The following GRIN3A variants were observed in gnomAD, a reference collection of about 807,000 sequenced individuals.
GRIN3A encodes glutamate ionotropic receptor NMDA type subunit 3A.
In GRIN3A, 47 loss-of-function variants were observed where a neutral mutation model predicts 92.4. The ratio of observed to expected loss-of-function variants is 0.51; its 90% CI spans 0.40 to 0.65. The LOEUF (loss-of-function observed/expected upper bound fraction) is 0.65. Among genes scored for constraint, GRIN3A ranks in the 30% least tolerant of loss-of-function variants. The probability of loss-of-function intolerance (pLI) is 0.00; values close to 1 mark genes in which losing one functional copy is unlikely to be tolerated. For synonymous variants in GRIN3A, 527 were observed against 540.6 expected (o/e 0.97, Z 0.35); for missense variants, 1,324 against 1,393.1 (o/e 0.95, Z 0.79).
intron 6 of GRIN3A, among the ~76,000 whole-genome samples, chr9:101,610,622 TATC>T (rs765070461): frequency 3.4e-5 from 5 of 147,378 alleles, no homozygotes; most frequent in Admixed American, 6.9e-5. Flanking sequence ...TCTATCTATC[TATC>T]ATCTATCTAT....
intron 6 of GRIN3A, chr9:101,594,939 G>A (rs765525919): frequency 1.3e-6 from 2 of 1,593,148 alleles, no homozygotes; most frequent in Non-Finnish European, 1.7e-6. Flanking sequence ...ATCTGGCAAC[G>A]GCCACGGCTC....
intron 1 of GRIN3A, among the ~76,000 whole-genome samples, chr9:101,708,752 A>G (rs1829840180): frequency 6.6e-6 from 1 of 152,206 alleles, no homozygotes; most frequent in South Asian, 2.1e-4. Flanking sequence ...TTTATGCTAG[A>G]TGAGTGAGCA....
chr9:101,666,344 G>A (rs766573229), intron 3 of GRIN3A, among the ~76,000 whole-genome samples: 1 of 151,846 alleles, frequency 6.6e-6, no homozygotes, highest in East Asian at 1.9e-4. Context: ...AAAATGCCAC[G>A]TATGCTATAG....
chr9:101,579,446 A>T, intron 6 of GRIN3A, 86 bp from the exon 7 acceptor site: 3 of 1,359,198 alleles, frequency 2.2e-6, no homozygotes, highest in Non-Finnish European at 2.1e-6. Context: ...TCAGATGGAT[A>T]TTCATTTTTT....
At chr9:101,573,590 C>T (rs973453430) in intron 8 of GRIN3A, 77 bp from the exon 9 acceptor site, 79 of 1,163,632 alleles carry the variant, frequency 6.8e-5, no homozygotes, top group Non-Finnish European at 9.8e-5. Flanking sequence ...TTAGCCATTT[C>T]CTGTGCAATA....
intron 6 of GRIN3A, among the ~76,000 whole-genome samples, chr9:101,607,690 G>C (rs189101954): frequency 4.5e-4 from 69 of 152,346 alleles, no homozygotes; most frequent in Admixed American, 3.7e-3. Context: ...GTTGAAGTAG[G>C]CTTCAAGGAT....
rs1006826312 is a variant in GRIN3A at position 101,572,802 on chromosome 9, A to G, written c.*372T>C. On this transcript the variant is annotated 3_prime_UTR_variant, in exon 9 of 9. Coordinates refer to ENST00000361820, the MANE Select transcript of GRIN3A (RefSeq NM_133445.3). ...ATGAAAACCAGCAACCCAGTAAGAC[A>G]TAAGTGTGAGTAACAATTTTATCTC... 53 of 277,350 alleles carry G rather than the reference A, an allele frequency of 1.9e-4. No individual in the cohort carries two copies. In the Admixed American group the frequency reaches 2.3e-3, roughly 12 times the overall value. 17.2% of individuals were successfully genotyped at this position (277,350 alleles called of 1,614,324 possible).
rs1588304932 is a variant in GRIN3A, at chr9:101,738,222, G to A, written c.-243C>T. The A allele has an allele frequency of 7.2e-6, 4 of 552,374 alleles. No homozygotes were observed. Among genetic ancestry groups the A allele is most frequent in the South Asian group, 2.1e-5 (1 of 47,610 alleles). The allele number at this position is 552,374 out of a possible 1,614,324, so 34.2% of individuals were successfully genotyped here. The stretch of plus-strand genomic sequence containing the variant: ...CCTCTGCCCGCCCGGTCACTGCGCT[G>A]AGCAGGCAGGCGGGCGGGCCGGCGC... On this transcript the variant is annotated 5_prime_UTR_variant, in exon 1 of 9. Transcript: ENST00000361820.
chr9:101,601,180 T>A (rs1828205583), intron 6 of GRIN3A: 1 of 152,190 alleles, frequency 6.6e-6, no homozygotes, highest in African/African-American at 2.4e-5. Context: ...GGTGTAGATA[T>A]TAGCAAGTTG....
chr9:101,655,680 T>A (rs181941888), intron 3 of GRIN3A, among the ~76,000 whole-genome samples: 2 of 152,068 alleles, frequency 1.3e-5, no homozygotes, highest in East Asian at 3.9e-4. Flanking sequence ...AGCCTCAGTC[T>A]CCTCCAACAG....
At chr9:101,721,690 A>ACT (rs1439259362) in intron 1 of GRIN3A, among the ~76,000 whole-genome samples, 3 of 151,976 alleles carry the variant, frequency 2.0e-5, no homozygotes, top group African/African-American at 2.4e-5. Flanking sequence ...AGCAAAGGTG[A>ACT]CTCTTGTTAT....
At chr9:101,737,196 T>C (rs1588304002) in intron 1 of GRIN3A, 85 bp downstream of exon 1, 1 of 1,122,288 alleles carries the variant, frequency 8.9e-7, no homozygotes, top group East Asian at 2.4e-5. Context: ...CCTCAGACTT[T>C]ACCAAGCCGT....
rs796970122 is a variant in GRIN3A, at chr9:101,721,156, CAG to C, written c.699+16123_699+16124del. 6.6e-4 allele frequency among the ~76,000 whole-genome samples: 101 copies of C among 152,246 alleles called. 2 individuals carry two copies. Among genetic ancestry groups the C allele is most frequent in the African/African-American group, 2.3e-3 (96 of 41,536 alleles). On this transcript the variant is annotated intron_variant, in intron 1 of 8. Coordinates refer to ENST00000361820, the MANE Select transcript of GRIN3A (RefSeq NM_133445.3). ...ATTCCCATGTGTTGTGGGAGGGACC[CAG>C]AGGGAGGTAATTGAATCATGGGGGC...
Position 101,628,284 on chromosome 9 carries a change from C to A in GRIN3A, c.2470G>T (p.Ala824Ser). ...HEYMRRYNVPATPDGVEYLKN... is the reference protein window; with the variant it reads ...HEYMRRYNVPSTPDGVEYLKN... Reference sequence around the variant, plus strand: ...AGATACTCCACTCCATCAGGGGTGGCTGGAACATTGTACCTTCTCATATAT... The same window carrying A: ...AGATACTCCACTCCATCAGGGGTGGATGGAACATTGTACCTTCTCATATAT... Residue 824 changes from alanine (A) to serine (S), a missense_variant, in exon 4 of 9, where the codon GCC becomes TCC. Coordinates refer to ENST00000361820, the MANE Select transcript of GRIN3A (RefSeq NM_133445.3). 6.2e-7 allele frequency: 1 copy of A among 1,613,958 alleles called. No individual in the cohort carries two copies. Among genetic ancestry groups the A allele is most frequent in the Non-Finnish European group, 8.5e-7 (1 of 1,179,876 alleles).
intron 1 of GRIN3A, among the ~76,000 whole-genome samples, chr9:101,728,376 A>G (rs906879085): frequency 5.3e-5 from 8 of 152,078 alleles, no homozygotes; most frequent in African/African-American, 1.9e-4. Flanking sequence ...AGGAGTGACA[A>G]CCCATTTCTA....
At chr9:101,719,649 A>G (rs1829987713) in intron 1 of GRIN3A, among the ~76,000 whole-genome samples, 1 of 152,154 alleles carries the variant, frequency 6.6e-6, no homozygotes, top group Admixed American at 6.5e-5. Flanking sequence ...CTAAATCCTG[A>G]AGTAGTTCTG....
chr9:101,682,693 C>T (rs1255869433), intron 2 of GRIN3A, among the ~76,000 whole-genome samples: 1 of 152,214 alleles, frequency 6.6e-6, no homozygotes, highest in Non-Finnish European at 1.5e-5. Flanking sequence ...TTTAAAAAAA[C>T]AACTTGTAGC....
rs189638302 is a variant in GRIN3A at position 101,639,957 on chromosome 9, A to T, written c.2353-11556T>A. On this transcript the variant is annotated intron_variant, in intron 3 of 8. Coordinates refer to ENST00000361820, the MANE Select transcript of GRIN3A (RefSeq NM_133445.3). Reference sequence around the variant, plus strand: ...TTAGGCTAGCTCTTGGGGTTATCTCATAATTTTGTTTGTCATGGCTAAATA... The same window carrying T: ...TTAGGCTAGCTCTTGGGGTTATCTCTTAATTTTGTTTGTCATGGCTAAATA... 4.6e-3 allele frequency among the ~76,000 whole-genome samples: 700 copies of T among 152,278 alleles called. 8 individuals carry two copies. The highest frequency in any genetic ancestry group is 0.014 in the African/African-American group (581 of 41,556).
At chr9:101,650,150 C>T (rs752003434) in intron 3 of GRIN3A, among the ~76,000 whole-genome samples, 1 of 152,028 alleles carries the variant, frequency 6.6e-6, no homozygotes, top group Non-Finnish European at 1.5e-5. Flanking sequence ...ACAACCATAG[C>T]ATATCAGGAA....
Sources: allele counts gnomAD v4.1 joint callset (sites outside exome capture counted in the v4.1 genomes callset), GRCh38; gene constraint gnomAD v4.1.1; transcripts MANE v1.5; gene names NCBI Gene and HGNC (gene_info 2026-07-23, HGNC 2026-07-21).